Variants in ZNF18 observed in about 807,000 individuals in gnomAD.
ZNF18 encodes the protein zinc finger protein 18, also known as heart development-specific gene 1 protein.
ZNF18 carries 42 observed loss-of-function variants against 58.1 expected under a neutral mutation model. The ratio of observed to expected loss-of-function variants is 0.72; its 90% CI spans 0.56 to 0.93. The LOEUF (loss-of-function observed/expected upper bound fraction) is 0.93, where lower values mean the gene tolerates loss of function less well. ZNF18 is among the 40% of genes least tolerant of loss of function. The pLI, the probability that ZNF18 is intolerant of heterozygous loss-of-function variation, is 0.00. For missense variants in ZNF18, 540 were observed against 644.2 expected (o/e 0.84, Z 1.75); for synonymous variants, 231 against 239.8 (o/e 0.96, Z 0.34).
chr17:11,991,735 T>C (rs1009128051), intron 2 of ZNF18, among the ~76,000 whole-genome samples: 2 of 152,142 alleles, frequency 1.3e-5, no homozygotes, highest in Non-Finnish European at 2.9e-5. Context: ...GGCTCCTAGA[T>C]AGCTTCAGGA....
intron 1 of ZNF18, among the ~76,000 whole-genome samples, chr17:11,995,183 G>C (rs1215931468): frequency 1.3e-5 from 2 of 152,032 alleles, no homozygotes; most frequent in Non-Finnish European, 2.9e-5. Context: ...CCAAGGCAGG[G>C]GGATCATTTG....
At chr17:12,013,840 G>A in the ZNF18 span, among the ~76,000 whole-genome samples, 1 of 152,136 alleles carries the variant, frequency 6.6e-6, no homozygotes, top group Non-Finnish European at 1.5e-5. Context: ...ACAGAATTTA[G>A]TTGCTGATAT....
the ZNF18 span, chr17:12,020,760 G>C: frequency 2.2e-5 from 9 of 410,322 alleles, no homozygotes; most frequent in Admixed American, 3.7e-4. Context: ...GGCGTGTCAG[G>C]AGGCGTGTCC....
chr17:11,999,698 G>C (rs1968623911), upstream of ZNF18, among the ~76,000 whole-genome samples: 1 of 152,192 alleles, frequency 6.6e-6, no homozygotes, highest in Non-Finnish European at 1.5e-5. Context: ...ATATTTTGTA[G>C]GGTGAGCTGG....
chr17:11,990,360 C>A (rs1429276497), intron 4 of ZNF18, 102 bp downstream of exon 4: 1 of 956,840 alleles, frequency 1.0e-6, no homozygotes, highest in East Asian at 2.7e-5. Flanking sequence ...GACAGCAGAT[C>A]AGAGGTTTCC....
At chr17:11,997,627 C>A (rs1015524127), upstream of ZNF18, 4 of 152,262 alleles carry the variant, frequency 2.6e-5, no homozygotes, top group African/African-American at 9.6e-5. Context: ...ACCGACATGG[C>A]AGCGAGGTTC....
chr17:12,004,905 A>AC, the ZNF18 span, among the ~76,000 whole-genome samples: 1 of 150,968 alleles, frequency 6.6e-6, no homozygotes, highest in Middle Eastern at 3.2e-3. Context: ...AAAAAAAAAA[A>AC]AGAAAAGAAA....
chr17:11,992,476 G>C lies in ZNF18; in HGVS notation c.354C>G (p.Ser118Arg), dbSNP rs760568955. Residue 118 changes from serine (S) to arginine (R), a missense_variant, in exon 2 of 7, where the codon AGC becomes AGG. Ser to Arg is a moderately radical substitution (Grantham distance 110, BLOSUM62 -1). Transcript: ENST00000580306. ...ACAGTCTCTGGGGGTCCCCCTTCAA[G>C]CTTTCCACAAGGGTCACTGCCTCTT... is the stretch of plus-strand genomic sequence containing the variant. The part of the protein sequence containing the change: ...SGEEAVTLVE[S>R]LKGDPQRLWQ... The C allele has an allele frequency of 6.2e-7, 1 of 1,614,152 alleles. No individual in the cohort carries two copies. Among genetic ancestry groups the C allele is most frequent in the Non-Finnish European group, 8.5e-7 (1 of 1,180,022 alleles).
the ZNF18 span, among the ~76,000 whole-genome samples, chr17:12,009,494 C>A: frequency 2.0e-5 from 3 of 150,894 alleles, no homozygotes; most frequent in Non-Finnish European, 4.4e-5. Flanking sequence ...GCTCTGTCAC[C>A]CAGGCTGGAG....
the ZNF18 span, among the ~76,000 whole-genome samples, chr17:12,009,744 C>T: frequency 1.3e-5 from 2 of 152,268 alleles, no homozygotes; most frequent in South Asian, 4.1e-4. Context: ...TGAGCCACCG[C>T]GCCTGGCCAT....
chr17:12,021,022 G>A, the ZNF18 span: 82 of 1,189,894 alleles, frequency 6.9e-5, no homozygotes, highest in Non-Finnish European at 8.5e-5. Context: ...CGGCCGCGCC[G>A]AGATCCCAGC....
At chr17:12,019,231 T>G in the ZNF18 span, among the ~76,000 whole-genome samples, 1 of 151,978 alleles carries the variant, frequency 6.6e-6, no homozygotes, top group Non-Finnish European at 1.5e-5. Flanking sequence ...CCCAAAGTGC[T>G]GGGATTACAG....
rs148571831 is a variant in ZNF18, at chr17:11,978,645, G to A, written c.962C>T (p.Ser321Phe). ...ASCQASGEVP[S>F]QASLRGFFTE... is the part of the protein sequence containing the mutation. Reference sequence around the variant, plus strand: ...GAAGAAGCCCCTCAAGGAAGCCTGAGAAGGAACCTCTCCTGAAGCTTGACA... The same window carrying A: ...GAAGAAGCCCCTCAAGGAAGCCTGAAAAGGAACCTCTCCTGAAGCTTGACA... The change falls in exon 7 of 7, where the codon TCT becomes TTT. Residue 321 changes from serine (S) to phenylalanine (F), a missense_variant. Coordinates refer to ENST00000580306, the MANE Select transcript of ZNF18 (RefSeq NM_001303281.2). 3.7e-6 allele frequency: 6 copies of A among 1,613,746 alleles called. No homozygotes were observed. In the African/African-American group the frequency reaches 5.3e-5, roughly 14 times the overall value.
At chr17:11,983,607 T>C (rs764559302) in intron 5 of ZNF18, among the ~76,000 whole-genome samples, 200 bp from the exon 6 acceptor site, 2 of 152,128 alleles carry the variant, frequency 1.3e-5, no homozygotes. Flanking sequence ...GTAAAGGCCA[T>C]GAAAAGAAGA....
At chr17:11,991,629 G>A (rs770218719) in intron 2 of ZNF18, among the ~76,000 whole-genome samples, 24 of 152,144 alleles carry the variant, frequency 1.6e-4, no homozygotes, top group Non-Finnish European at 2.2e-4. Context: ...TTCCCGCAGA[G>A]CTCCTAAAAC....
chr17:11,983,117 T>C (rs896883502), intron 6 of ZNF18, among the ~76,000 whole-genome samples, 180 bp downstream of exon 6: 1 of 152,184 alleles, frequency 6.6e-6, no homozygotes, highest in Admixed American at 6.5e-5. Context: ...AACAGCCCTA[T>C]AGCCAGAGAT....
upstream of ZNF18, among the ~76,000 whole-genome samples, chr17:11,998,869 T>G (rs1225676990): frequency 2.1e-5 from 3 of 144,164 alleles, no homozygotes; most frequent in Non-Finnish European, 4.5e-5. Context: ...GGAGACGGGG[T>G]TTCACCATGT....
Position 11,983,349 on chromosome 17 carries a change from C to A in ZNF18, c.810G>T (p.Leu270=). 6.2e-7 allele frequency: 1 copy of A among 1,614,078 alleles called. No homozygotes were observed. Among genetic ancestry groups the A allele is most frequent in the Non-Finnish European group, 8.5e-7 (1 of 1,179,994 alleles). ...CATTGACATGAAGGTATATTCCTGC[C>A]AGCTCTTCCCCAAATTCTATTGAAT... ...LTNSIEFGEE[L]AGIYLHVNEK... is the part of the protein sequence containing the mutation. Residue 270 remains leucine (L), a synonymous_variant, in exon 6 of 7, where the codon CTG becomes CTT. Coordinates refer to ENST00000580306, the MANE Select transcript of ZNF18 (RefSeq NM_001303281.2).
chr17:11,978,843 T>C, intron 6 of ZNF18, 99 bp from the exon 7 acceptor site: 1 of 566,802 alleles, frequency 1.8e-6, no homozygotes, highest in Non-Finnish European at 2.6e-6. Flanking sequence ...TCATTTTCTT[T>C]TTTTTTTTTT....
Sources: gnomAD v4.1 joint callset for allele counts (sites outside exome capture counted in the v4.1 genomes callset) on GRCh38, gnomAD v4.1.1 for gene constraint, MANE v1.5 for transcripts, NCBI Gene and HGNC (gene_info 2026-07-23, HGNC 2026-07-21) for gene names.